ITIH4: variants seen among roughly 807,000 people sequenced by gnomAD.
ITIH4 encodes the protein inter-alpha-trypsin inhibitor heavy chain 4.
A neutral mutation model predicts 111.8 loss-of-function variants in ITIH4; 79 were observed. That is an observed-to-expected ratio of 0.71 (90% CI 0.59 to 0.85). The LOEUF is 0.85. Ranked by LOEUF, ITIH4 falls within the 40% of genes least tolerant of loss-of-function variation. The probability of loss-of-function intolerance (pLI) is 0.00; values close to 1 mark genes in which losing one functional copy is unlikely to be tolerated. For missense variants in ITIH4, 1,065 were observed against 1,195.8 expected (o/e 0.89, Z 1.61); for synonymous variants, 472 against 468.3 (o/e 1.01, Z -0.10).
Position 52,820,754 on chromosome 3 carries a change from G to A in ITIH4, c.1711C>T (p.Leu571Phe). The A allele has an allele frequency of 3.7e-6, 6 of 1,613,802 alleles. No homozygotes were observed. Among genetic ancestry groups the A allele is most frequent in the Non-Finnish European group, 5.1e-6 (6 of 1,179,854 alleles). The change falls in exon 13 of 24, where the codon CTC becomes TTC. Residue 571 changes from leucine to phenylalanine, a missense_variant. By Grantham distance (22) the Leu-to-Phe change is conservative. Coordinates refer to ENST00000266041, the MANE Select transcript of ITIH4 (RefSeq NM_002218.5). The stretch of plus-strand genomic sequence containing the variant: ...GATAAATTCAGCGCTTGGTTCCGGA[G>A]GGCCTGCTGATCAGCATCGGATGCG... ...VSASDADQQA[L>F]RNQALNLSLA...
intron 2 of ITIH4, 26 bp from the exon 3 acceptor site, chr3:52,827,223 T>A (rs1234254306): frequency 6.3e-7 from 1 of 1,584,608 alleles, no homozygotes; most frequent in Admixed American, 1.7e-5. Context: ...TGGGAGTTGT[T>A]GAGAGCCTGG....
intron 2 of ITIH4, among the ~76,000 whole-genome samples, chr3:52,828,026 C>G (rs1183098481): frequency 6.6e-6 from 1 of 152,222 alleles, no homozygotes; most frequent in African/African-American, 2.4e-5. Context: ...TAATTTAACT[C>G]TAGCCCGGGA....
chr3:52,819,403 A>G lies in ITIH4; in HGVS notation c.2067T>C (p.Arg689=). Reference sequence around the variant, plus strand: ...CGGAAGGCAGCTTACAGATGGCCAGACGGCGGAAGGGGTGGTAAGCAGCAT... The same window carrying G: ...CGGAAGGCAGCTTACAGATGGCCAGGCGGCGGAAGGGGTGGTAAGCAGCAT... The part of the protein sequence containing the change: ...PDHAAYHPFR[R]LAILPASAPP... Residue 689 remains arginine, a synonymous_variant, in exon 17 of 24, where the codon CGT becomes CGC. Coordinates refer to ENST00000266041, the MANE Select transcript of ITIH4 (RefSeq NM_002218.5). The G allele has an allele frequency of 1.9e-6, 3 of 1,614,016 alleles. No individual in the cohort carries two copies. The South Asian group carries it at 3.3e-5, about 18-fold the overall frequency.
intron 11 of ITIH4, 92 bp from the exon 12 acceptor site, chr3:52,821,222 G>C: frequency 6.8e-7 from 1 of 1,480,350 alleles, no homozygotes; most frequent in Non-Finnish European, 9.2e-7. Flanking sequence ...ATTGGGGCTG[G>C]GGCAGGTCCC....
chr3:52,826,043 G>A (rs770041083), intron 5 of ITIH4, 29 bp from the exon 6 acceptor site: 2 of 1,613,436 alleles, frequency 1.2e-6, no homozygotes, highest in Non-Finnish European at 1.7e-6. Context: ...CTGAAGTTGG[G>A]AGGAACAGCA....
At position 52,826,781 on chromosome 3, in the gene ITIH4, C is replaced by T; in HGVS notation, c.519+10G>A. The T allele has an allele frequency of 2.5e-6, 4 of 1,613,736 alleles. No homozygotes were observed. The highest frequency in any genetic ancestry group is 3.4e-6 in the Non-Finnish European group (4 of 1,179,974). ...CAGGAGGCCTCCCTGGAAGAGGTAG[C>T]AGCAGGTACCTGCAGGTGCTTGACC... is the stretch of plus-strand genomic sequence containing the variant. On this transcript the variant is annotated intron_variant, in intron 4 of 23. Coordinates refer to ENST00000266041, the MANE Select transcript of ITIH4 (RefSeq NM_002218.5).
In ITIH4 at chr3:52,824,595, C is replaced by T. The variant is rs891118090; in HGVS notation, c.877-30G>A. The T allele has an allele frequency of 1.3e-6, 2 of 1,591,944 alleles. No homozygotes were observed. The highest frequency in any genetic ancestry group is 2.7e-5 in the African/African-American group (2 of 74,504). On this transcript the variant is annotated intron_variant, in intron 7 of 23. Transcript: ENST00000266041. The surrounding 1 kb of genome is among the most constrained non-coding windows in gnomAD (Gnocchi z 4.3). The stretch of plus-strand genomic sequence containing the variant: ...TCAGGGAGAGGAAACATAGGTGCTT[C>T]AGAAGGGCTCCCTGAGGGCTCGTGT...
intron 11 of ITIH4, 144 bp from the exon 12 acceptor site, chr3:52,821,274 A>C: frequency 1.0e-6 from 1 of 975,170 alleles, no homozygotes; most frequent in Non-Finnish European, 1.5e-6. Flanking sequence ...GAGTGGGGGT[A>C]AGGAGGGGGC....
At position 52,823,823 on chromosome 3, in the gene ITIH4, C is replaced by G; in HGVS notation, c.1353G>C (p.Gln451His). The G allele has an allele frequency of 6.2e-7, 1 of 1,613,948 alleles. No homozygotes were observed. Among genetic ancestry groups the G allele is most frequent in the East Asian group, 2.2e-5 (1 of 44,876 alleles). The change falls in exon 10 of 24, where the codon CAG becomes CAC. Residue 451 changes from glutamine to histidine, a missense_variant and splice_region_variant. Physicochemically the swap from Gln to His is conservative, Grantham distance 24. Transcript: ENST00000266041. ...HEDSDSALQL[Q>H]DFYQEVANPL... ...CAGCCCACCTGGGGCACACTGGCAC[C>G]TGGAGCTGCAGGGCAGAGTCTGAGT...
intron 21 of ITIH4, among the ~76,000 whole-genome samples, chr3:52,815,168 T>G (rs918459013): frequency 6.6e-6 from 1 of 152,250 alleles, no homozygotes; most frequent in African/African-American, 2.4e-5. Context: ...CAGAGGTTAT[T>G]TGAAACAAAT....
chr3:52,820,161 G>A, intron 14 of ITIH4, 130 bp downstream of exon 14: 1 of 1,368,344 alleles, frequency 7.3e-7, no homozygotes. Context: ...CTGCCTCCTG[G>A]CAGCAGGGAT....
In ITIH4 at chr3:52,820,038, T is replaced by C. The variant is rs1184260714; in HGVS notation, c.1862-48A>G. 1.9e-6 allele frequency: 3 copies of C among 1,580,366 alleles called. No individual in the cohort carries two copies. In the Admixed American group the frequency reaches 5.0e-5, roughly 26 times the overall value. ...TTTGCATCTTGCACCCACCTTCCTG[T>C]GGCCCCACTTGGATGGGGACTGTAT... On this transcript the variant is annotated intron_variant, in intron 14 of 23. Coordinates refer to ENST00000266041, the MANE Select transcript of ITIH4 (RefSeq NM_002218.5).
In ITIH4 at chr3:52,823,972, C is replaced by T. The variant is rs74971919; in HGVS notation, c.1204G>A (p.Val402Met). 2.3e-3 allele frequency: 3,572 copies of T among 1,583,126 alleles called. 10 individuals are homozygous for T. The highest frequency in any genetic ancestry group is 2.7e-3 in the Non-Finnish European group (3,205 of 1,165,622). The part of the protein sequence containing the change: ...ETNPRSIQNN[V>M]REAVSGRYSL... ...TACCGGCCACTTACAGCTTCCCGCACGTTATTCTGGATGCTCCTGGGGTTA... is the reference window on the plus strand; with the variant it reads ...TACCGGCCACTTACAGCTTCCCGCATGTTATTCTGGATGCTCCTGGGGTTA... The change falls in exon 10 of 24, where the codon GTG becomes ATG. Residue 402 changes from valine (V) to methionine (M), a missense_variant. Coordinates refer to ENST00000266041, the MANE Select transcript of ITIH4 (RefSeq NM_002218.5).
intron 3 of ITIH4, 31 bp from the exon 4 acceptor site, chr3:52,826,984 C>A (rs1341931039): frequency 6.2e-7 from 1 of 1,613,782 alleles, no homozygotes; most frequent in African/African-American, 1.3e-5. Flanking sequence ...GCCTGCTCCT[C>A]CAGGACAGGT....
In ITIH4 at chr3:52,830,463, C is replaced by G. The variant is rs765054465; in HGVS notation, c.90+90G>C. 4.8e-6 allele frequency: 6 copies of G among 1,256,046 alleles called. No homozygotes were observed. The South Asian group carries it at 7.2e-5, about 15-fold the overall frequency. The allele number at this position is 1,256,046 out of a possible 1,614,324, so 77.8% of individuals were successfully genotyped here. A position where few individuals can be genotyped will look rare whatever the true frequency, so the allele number is the denominator to read the frequency against. ...ACACAGGGATGCACACGCACTTGTG[C>G]TGACACGCTGGCACATGCGGAGGCT... On this transcript the variant is annotated intron_variant, in intron 1 of 23. Coordinates refer to ENST00000266041, the MANE Select transcript of ITIH4 (RefSeq NM_002218.5).
chr3:52,813,441 AG>A lies in ITIH4; in HGVS notation c.2772del (p.Cys925AlafsTer45). On this transcript the variant is annotated frameshift_variant, in exon 24 of 24. Coordinates refer to ENST00000266041, the MANE Select transcript of ITIH4 (RefSeq NM_002218.5). LOFTEE classifies it high-confidence loss of function. ...CAGAACTACAGCTCCACAGACCAGCAGGAAATCTCCACTCCCGGGGGCCCCT... is the reference window on the plus strand; with the variant it reads ...CAGAACTACAGCTCCACAGACCAGCAGAAATCTCCACTCCCGGGGGCCCCT... Reference protein sequence around the residue: ...YQEGPPGVEISCWSVEL With the variant: ...YQEGPPGVEIXCWSVEL 1 of 1,614,162 alleles carries A rather than the reference AG, an allele frequency of 6.2e-7. No individual in the cohort carries two copies. Among genetic ancestry groups the A allele is most frequent in the African/African-American group, 1.3e-5 (1 of 75,058 alleles).
Position 52,818,276 on chromosome 3 carries a change from GGTT to G in ITIH4, c.2157_2159del (p.Thr720del), listed in dbSNP as rs770223706. ...ACTTACCTGGGGTTTGGGTTGTCAT[GGTT>G]GTTTCTAAAAGAAGAAAAAGTCTGG... is the stretch of plus-strand genomic sequence containing the variant. On this transcript the variant is annotated inframe_deletion, in exon 19 of 24. Transcript: ENST00000266041. The G allele has an allele frequency of 6.3e-7, 1 of 1,578,896 alleles. No homozygotes were observed. Among genetic ancestry groups the G allele is most frequent in the Non-Finnish European group, 8.6e-7 (1 of 1,163,938 alleles).
In ITIH4 at chr3:52,817,515, G is replaced by A. The variant is rs191557881; in HGVS notation, c.2297-457C>T. ...CCATGGATGTCCCTTGGCTTTGAGC[G>A]GGGCTGGGCGGTGCGGGGGTGAGCA... On this transcript the variant is annotated intron_variant, in intron 20 of 23. Coordinates refer to ENST00000266041, the MANE Select transcript of ITIH4 (RefSeq NM_002218.5). Among the ~76,000 whole-genome samples, 103 of 152,272 alleles carry A rather than the reference G, an allele frequency of 6.8e-4. 3 individuals carry two copies. The highest frequency in any genetic ancestry group is 5.9e-3 in the Admixed American group (90 of 15,302).
Position 52,824,308 on chromosome 3 carries a change from GT to G in ITIH4, c.1052del (p.Asn351ThrfsTer7), listed in dbSNP as rs776482204. The G allele has an allele frequency of 1.5e-5, 24 of 1,613,148 alleles. No homozygotes were observed. Among genetic ancestry groups the G allele is most frequent in the Non-Finnish European group, 2.0e-5 (23 of 1,179,392 alleles). ...CAGCCATCAGCATTGCATCATTGAT[GT>G]TGGTCCCTGAGGAACACGCACTCTC... is the stretch of plus-strand genomic sequence containing the variant. ...AAGIQALGGT[N>X]INDAMLMAVQ... On this transcript the variant is annotated frameshift_variant, in exon 9 of 24. Coordinates refer to ENST00000266041, the MANE Select transcript of ITIH4 (RefSeq NM_002218.5). LOFTEE classifies it high-confidence loss of function. This position sits in a 1 kb window ranked among gnomAD's most constrained non-coding sequence, Gnocchi z 4.3.
Sources: gnomAD v4.1 joint callset for allele counts (sites outside exome capture counted in the v4.1 genomes callset) on GRCh38, gnomAD v4.1.1 for gene constraint, Gnocchi (gnomAD v3.1) non-coding constraint, MANE v1.5 for transcripts, NCBI Gene and HGNC (gene_info 2026-07-23, HGNC 2026-07-21) for gene names.